The following SIRPB2 variants were observed in gnomAD, a reference collection of about 807,000 sequenced individuals.
SIRPB2 encodes signal regulatory protein beta 2.
A neutral mutation model predicts 27.1 loss-of-function variants in SIRPB2; 18 were observed. The ratio of observed to expected loss-of-function variants is 0.66; its 90% CI spans 0.46 to 0.98. The LOEUF is 0.98. Ranked by LOEUF, SIRPB2 falls within the 50% of genes least tolerant of loss-of-function variation. The pLI is 0.00. For missense variants in SIRPB2, 420 were observed against 417.4 expected (o/e 1.01, Z -0.06); for synonymous variants, 150 against 164.6 (o/e 0.91, Z 0.68).
In SIRPB2 at chr20:1,479,991, C is replaced by T; in HGVS notation, c.160G>A (p.Glu54Lys). The T allele has an allele frequency of 1.2e-6, 2 of 1,614,134 alleles. No individual in the cohort carries two copies. The highest frequency in any genetic ancestry group is 8.5e-7 in the Non-Finnish European group (1 of 1,180,028). ...ACCATACACCTCAGTAGAAGTGTCT[C>T]ACCTTCTGCCACCAGCATGGGGCCC... ...PEGPMLVAEG[E>K]TLLLRCMVVG... Residue 54 changes from glutamate (E) to lysine (K), a missense_variant, in exon 2 of 5, where the codon GAG becomes AAG. By Grantham distance (56) the Glu-to-Lys change is moderately conservative. Transcript: ENST00000359801.
chr20:1,478,397 G>A lies in SIRPB2; in HGVS notation c.662C>T (p.Ser221Phe). 1 of 1,614,176 alleles carries A rather than the reference G, an allele frequency of 6.2e-7. No individual in the cohort carries two copies. The highest frequency in any genetic ancestry group is 8.5e-7 in the Non-Finnish European group (1 of 1,180,030). ...CAGAAGAATGCTGAAGTCATTGTTGGAGGCCTGCACCGCTGTCTCCTTGGG... is the reference window on the plus strand; with the variant it reads ...CAGAAGAATGCTGAAGTCATTGTTGAAGGCCTGCACCGCTGTCTCCTTGGG... Reference protein sequence around the residue: ...SHPKETAVQASNNDFSILLQN... With the variant: ...SHPKETAVQAFNNDFSILLQN... The change falls in exon 3 of 5, where the codon TCC becomes TTC. Residue 221 changes from serine (S) to phenylalanine (F), a missense_variant. Ser to Phe is a radical substitution (Grantham distance 155). Coordinates refer to ENST00000359801, the MANE Select transcript of SIRPB2 (RefSeq NM_001122962.2).
chr20:1,476,693 T>A (rs1032282711), intron 4 of SIRPB2: 1 of 1,052,134 alleles, frequency 9.5e-7, no homozygotes, highest in Admixed American at 5.1e-5. Context: ...GGGCCACATG[T>A]GTTAAAGAAG....
At chr20:1,486,056 T>TTTTTC (rs201361624) in intron 1 of SIRPB2, among the ~76,000 whole-genome samples, 13 of 145,002 alleles carry the variant, frequency 9.0e-5, no homozygotes, top group Admixed American at 2.8e-4. Flanking sequence ...TTTCCATATC[T>TTTTTC]TTTTCTTTTC....
intron 1 of SIRPB2, 39 bp downstream of exon 1, chr20:1,491,236 G>T: frequency 1.3e-6 from 2 of 1,575,454 alleles, no homozygotes; most frequent in Non-Finnish European, 1.7e-6. Flanking sequence ...GGACTGACCA[G>T]CCGGGGGTGG....
At chr20:1,488,479 C>G (rs935036086) in intron 1 of SIRPB2, among the ~76,000 whole-genome samples, 2 of 151,870 alleles carry the variant, frequency 1.3e-5, no homozygotes, top group Admixed American at 1.3e-4. Context: ...ACTAACCAAC[C>G]AACCAGACAA....
chr20:1,486,722 A>C (rs1166651440), intron 1 of SIRPB2, among the ~76,000 whole-genome samples: 2 of 152,196 alleles, frequency 1.3e-5, no homozygotes, highest in Non-Finnish European at 2.9e-5. Flanking sequence ...ACGCATATAC[A>C]TGCACTCATA....
intron 1 of SIRPB2, among the ~76,000 whole-genome samples, chr20:1,490,000 AG>A (rs2090763284): frequency 6.6e-6 from 1 of 152,206 alleles, no homozygotes; most frequent in South Asian, 2.1e-4. Flanking sequence ...ACTCAGCTTG[AG>A]ATGCAGCTGG....
chr20:1,480,645 T>C (rs6079289), intron 1 of SIRPB2, among the ~76,000 whole-genome samples: 50,499 of 152,032 alleles, frequency 0.33, 10,827 homozygotes, highest in East Asian at 0.74. Flanking sequence ...AGGGAGAAGG[T>C]GGCCGTCTAT....
At chr20:1,476,663 G>C in intron 4 of SIRPB2, 12 of 1,016,812 alleles carry the variant, frequency 1.2e-5, no homozygotes, top group Non-Finnish European at 1.3e-5. Flanking sequence ...CAGACCCAGA[G>C]TGGGGAAATG....
At chr20:1,476,679 C>T in intron 4 of SIRPB2, 1 of 1,046,380 alleles carries the variant, frequency 9.6e-7, no homozygotes, top group African/African-American at 1.7e-5. Flanking sequence ...AAATGATTTT[C>T]TCAGGGCCAC....
At position 1,483,192 on chromosome 20, in the gene SIRPB2, C is replaced by T. The variant is rs112616340; in HGVS notation, c.86-3127G>A. Among the ~76,000 whole-genome samples the T allele has an allele frequency of 2.4e-3, 363 of 151,924 alleles. 3 individuals carry two copies. Among genetic ancestry groups the T allele is most frequent in the African/African-American group, 8.6e-3 (354 of 41,394 alleles). On this transcript the variant is annotated intron_variant, in intron 1 of 4. Coordinates refer to ENST00000359801, the MANE Select transcript of SIRPB2 (RefSeq NM_001122962.2). ...CACCATCTCAGCTCACTGCAACCTC[C>T]GCCTCCTGGGGTCAAGTGATTCTCC...
At chr20:1,489,664 C>T (rs910072680) in intron 1 of SIRPB2, among the ~76,000 whole-genome samples, 1 of 152,162 alleles carries the variant, frequency 6.6e-6, no homozygotes, top group African/African-American at 2.4e-5. Context: ...CATCTATTTT[C>T]CATCTGCATC....
chr20:1,482,527 CT>C (rs2090681607), intron 1 of SIRPB2, among the ~76,000 whole-genome samples: 2 of 151,448 alleles, frequency 1.3e-5, no homozygotes, highest in African/African-American at 4.9e-5. Flanking sequence ...TCCTTCCTTT[CT>C]TTCTTCCTTT....
chr20:1,488,778 T>C lies in SIRPB2; in HGVS notation c.85+2497A>G, dbSNP rs574711455. 4.6e-5 allele frequency among the ~76,000 whole-genome samples: 7 copies of C among 152,274 alleles called. No individual in the cohort carries two copies. The East Asian group carries it at 1.4e-3, about 29-fold the overall frequency. On this transcript the variant is annotated intron_variant, in intron 1 of 4. Transcript: ENST00000359801. The stretch of plus-strand genomic sequence containing the variant: ...TCCTCCTACATTGCTGATGAGAATG[T>C]AAAATGGTACAACTCCTTTGAAAAA...
chr20:1,483,740 A>C (rs1324580578), intron 1 of SIRPB2, among the ~76,000 whole-genome samples: 1 of 152,150 alleles, frequency 6.6e-6, no homozygotes, highest in Non-Finnish European at 1.5e-5. Context: ...ATTTTTCTGC[A>C]GTGCAGAAGC....
intron 1 of SIRPB2, among the ~76,000 whole-genome samples, chr20:1,486,798 TC>T (rs1283016373): frequency 6.6e-6 from 1 of 152,090 alleles, no homozygotes; most frequent in African/African-American, 2.4e-5. Flanking sequence ...TAATAATAAC[TC>T]TCAGCAAACT....
In SIRPB2 at chr20:1,478,235, C is replaced by T. The variant is rs6079279; in HGVS notation, c.793+31G>A. On this transcript the variant is annotated intron_variant, in intron 3 of 4. Coordinates refer to ENST00000359801, the MANE Select transcript of SIRPB2 (RefSeq NM_001122962.2). ...ATTCCTGTTGAATACCTGCTCCGCT[C>T]TCCCGACAAGTCCAAAACCAATTGT... 9 of 1,596,796 alleles carry T rather than the reference C, an allele frequency of 5.6e-6. No homozygotes were observed. The East Asian group carries it at 9.0e-5, about 16-fold the overall frequency.
intron 1 of SIRPB2, 107 bp from the exon 2 acceptor site, chr20:1,480,172 G>T: frequency 7.2e-7 from 1 of 1,385,160 alleles, no homozygotes; most frequent in Non-Finnish European, 9.6e-7. Flanking sequence ...AATGGCCCAG[G>T]ATAAGACAGG....
chr20:1,472,635 A>C (rs760429807), downstream of SIRPB2: 4 of 152,216 alleles, frequency 2.6e-5, no homozygotes, highest in Non-Finnish European at 5.9e-5. Flanking sequence ...AATGCATTTT[A>C]GCCTCAAAAC....
Sources: gnomAD v4.1 joint callset for allele counts (sites outside exome capture counted in the v4.1 genomes callset) on GRCh38, gnomAD v4.1.1 for gene constraint, MANE v1.5 for transcripts, NCBI Gene and HGNC (gene_info 2026-07-23, HGNC 2026-07-21) for gene names.